HUWE1: variants seen among roughly 807,000 people sequenced by gnomAD.
HUWE1 encodes the protein E3 ubiquitin-protein ligase HUWE1.
In HUWE1, 18 loss-of-function variants were observed where a neutral mutation model predicts 299.4. The ratio of observed to expected loss-of-function variants is 0.06; its 90% CI spans 0.04 to 0.09. The LOEUF is 0.09. Ranked by LOEUF, HUWE1 falls within the 10% of genes least tolerant of loss-of-function variation. The probability of loss-of-function intolerance (pLI) is 1.00; values close to 1 mark genes in which losing one functional copy is unlikely to be tolerated. For synonymous variants in HUWE1, 1,317 were observed against 1,286.1 expected, an observed-to-expected ratio of 1.02 and a Z score of -0.51; for missense variants, 1,832 against 3,462.3, an observed-to-expected ratio of 0.53 and a Z score of 11.82.
At chrX:53,553,431 C>T (rs782779539) in intron 61 of HUWE1, among the ~76,000 whole-genome samples, 18 of 107,389 alleles carry the variant, frequency 1.7e-4, no homozygotes, top group African/African-American at 5.1e-4. Flanking sequence ...TGTGAGCCAC[C>T]GCGCCCAGCC....
chrX:53,540,034 G>A (rs2061269577), intron 74 of HUWE1, among the ~76,000 whole-genome samples: 1 of 112,111 alleles, frequency 8.9e-6, no homozygotes, highest in Non-Finnish European at 1.9e-5. Context: ...TTCCTCAGTT[G>A]CGCTAGCCAC....
rs782616684 is a variant in HUWE1, at chrX:53,592,361, A to G, written c.3972+37T>C. 3.8e-6 allele frequency: 4 copies of G among 1,055,862 alleles called. No individual in the cohort carries two copies. The African/African-American group carries it at 5.5e-5, about 15-fold the overall frequency. The allele number at this position is 1,055,862 out of a possible 1,213,427, so 87.0% of individuals were successfully genotyped here. On this transcript the variant is annotated intron_variant, in intron 33 of 83. Transcript: ENST00000262854. ...GTAAGCATCACACTCCATTGGGTGC[A>G]AAGTCTGGACCCTGGAGTGTGAGGC... is the stretch of plus-strand genomic sequence containing the variant.
chrX:53,605,951 C>T lies in HUWE1; in HGVS notation c.2497-1117G>A, dbSNP rs142280656. 9.4e-3 allele frequency among the ~76,000 whole-genome samples: 1,053 copies of T among 111,596 alleles called. 6 individuals carry two copies. The highest frequency in any genetic ancestry group is 0.016 in the Non-Finnish European group (852 of 53,060). ...ACTTTTACCATATAAAAAATCTAATCAAAATGGATTAAAGACCTGAATATA... is the reference window on the plus strand; with the variant it reads ...ACTTTTACCATATAAAAAATCTAATTAAAATGGATTAAAGACCTGAATATA... On this transcript the variant is annotated intron_variant, in intron 25 of 83. Coordinates refer to ENST00000262854, the MANE Select transcript of HUWE1 (RefSeq NM_031407.7).
At chrX:53,599,965 T>C (rs914439255) in intron 29 of HUWE1, among the ~76,000 whole-genome samples, 153 bp downstream of exon 29, 4 of 112,132 alleles carry the variant, frequency 3.6e-5, no homozygotes, top group Non-Finnish European at 7.5e-5. Context: ...ACAAAGCCTG[T>C]CACATAGCAG....
intron 39 of HUWE1, among the ~76,000 whole-genome samples, chrX:53,585,837 C>G (rs201840459): frequency 9.0e-6 from 1 of 111,061 alleles, no homozygotes; most frequent in Non-Finnish European, 1.9e-5. Flanking sequence ...TAGGCACACA[C>G]CACTATGCCT....
In HUWE1 at chrX:53,620,254, TGTC is replaced by T. The variant is rs370731696; in HGVS notation, c.1673-2811_1673-2809del. 4.6e-4 allele frequency among the ~76,000 whole-genome samples: 48 copies of T among 104,186 alleles called. 3 individuals are homozygous for T. The highest frequency in any genetic ancestry group is 8.8e-4 in the South Asian group (2 of 2,282). 90.5% of individuals were successfully genotyped at this position (104,186 alleles called of 115,157 possible). A position where few individuals can be genotyped will look rare whatever the true frequency, so the allele number is the denominator to read the frequency against. On this transcript the variant is annotated intron_variant, in intron 19 of 83. Coordinates refer to ENST00000262854, the MANE Select transcript of HUWE1 (RefSeq NM_031407.7). Reference sequence around the variant, plus strand: ...AAGGCATCACCTTGGAGCTTCCATTTGTCTTTTTTTTTTTTTTTTGAGACAAGG... The same window carrying T: ...AAGGCATCACCTTGGAGCTTCCATTTTTTTTTTTTTTTTTTTGAGACAAGG...
At chrX:53,565,352 G>A (rs2062473245) in intron 49 of HUWE1, 113 bp from the exon 50 acceptor site, 3 of 715,332 alleles carry the variant, frequency 4.2e-6, no homozygotes, top group Non-Finnish European at 6.2e-6. Context: ...AGGGGCATAA[G>A]GTCGTACAAC....
At chrX:53,578,464 C>T (rs1401834901) in intron 43 of HUWE1, among the ~76,000 whole-genome samples, 8 of 97,452 alleles carry the variant, frequency 8.2e-5, no homozygotes, top group Non-Finnish European at 1.7e-4. Context: ...CGGCCAGTCG[C>T]CCCGTCCAGG....
Position 53,595,332 on chromosome X carries a change from C to G in HUWE1, c.3235G>C (p.Val1079Leu), listed in dbSNP as rs2064400536. ...GCATGATGGCTCCTTCTCTGGCGGA[C>G]AGGAGATCCCACACAAAGTTTAACA... is the stretch of plus-strand genomic sequence containing the variant. ...LLVKLCVGSP[V>L]RQRRSHHAAS... The change falls in exon 30 of 84, where the codon GTC (valine) becomes CTC (leucine). Residue 1079 changes from valine (V) to leucine (L), a missense_variant. Coordinates refer to ENST00000262854, the MANE Select transcript of HUWE1 (RefSeq NM_031407.7). The G allele has an allele frequency of 1.7e-6, 2 of 1,208,774 alleles. No homozygotes were observed. The highest frequency in any genetic ancestry group is 2.2e-5 in the Admixed American group (1 of 45,600).
At chrX:53,648,461 T>C (rs1557037635) in intron 4 of HUWE1, 151 bp from the exon 5 acceptor site, 2 of 448,520 alleles carry the variant, frequency 4.5e-6, no homozygotes, top group Non-Finnish European at 4.0e-6. Context: ...GACAATCTCT[T>C]GGGATTAAAA....
chrX:53,563,654 G>A, intron 52 of HUWE1, 92 bp downstream of exon 52: 1 of 995,960 alleles, frequency 1.0e-6, no homozygotes, highest in Non-Finnish European at 1.4e-6. Context: ...GAGCCCTTAG[G>A]CAGAGCTGAG....
intron 52 of HUWE1, 29 bp downstream of exon 52, chrX:53,563,717 G>C (rs1302617261): frequency 5.0e-6 from 6 of 1,201,513 alleles, no homozygotes; most frequent in Non-Finnish European, 6.8e-6. Flanking sequence ...GGCAAAGGAA[G>C]AGGCTATACT....
rs1556994954 is a variant in HUWE1, at chrX:53,604,626, T to C, written c.2705A>G (p.Tyr902Cys). Residue 902 changes from tyrosine (Y) to cysteine (C), a missense_variant, in exon 26 of 84, where the codon TAC becomes TGC. Transcript: ENST00000262854. ...GCAAGTATGAACAAACATCATGATG[T>C]AGGCATGGGCAGCAGTGAGTGCATG... ...LLHALTAAHA[Y>C]IMMFVHTCRV... 2 of 1,210,620 alleles carry C rather than the reference T, an allele frequency of 1.7e-6. No individual in the cohort carries two copies. Among genetic ancestry groups the C allele is most frequent in the South Asian group, 1.8e-5 (1 of 56,978 alleles).
At chrX:53,651,712 T>C (rs1569510929) in intron 4 of HUWE1, among the ~76,000 whole-genome samples, 1 of 111,733 alleles carries the variant, frequency 8.9e-6, no homozygotes, top group Non-Finnish European at 1.9e-5. Flanking sequence ...CTGTTAACTA[T>C]AGGCACTATG....
chrX:53,591,465 A>G (rs1296984712), intron 33 of HUWE1, among the ~76,000 whole-genome samples: 2 of 111,786 alleles, frequency 1.8e-5, no homozygotes, highest in Non-Finnish European at 3.8e-5. Flanking sequence ...CTGGAAAACA[A>G]ACTGGTAACA....
intron 43 of HUWE1, among the ~76,000 whole-genome samples, chrX:53,579,509 G>A (rs1341673471): frequency 9.0e-6 from 1 of 111,224 alleles, no homozygotes; most frequent in African/African-American, 3.3e-5. Flanking sequence ...ATAGAAAGGC[G>A]GGAAGGGTGG....
At chrX:53,538,530 ACTCT>A (rs2061168767) in intron 76 of HUWE1, 76 bp from the exon 77 acceptor site, 1 of 707,606 alleles carries the variant, frequency 1.4e-6, no homozygotes, top group African/African-American at 2.1e-5. Flanking sequence ...CCAGCTAGCA[ACTCT>A]CTCTTCCTTC....
intron 78 of HUWE1, chrX:53,537,354 G>A: frequency 4.3e-6 from 2 of 466,673 alleles, no homozygotes; most frequent in South Asian, 6.0e-5. Flanking sequence ...TTGTTGGGTA[G>A]CTTAGCTAAA....
intron 3 of HUWE1, among the ~76,000 whole-genome samples, chrX:53,677,077 A>AC (rs782030979): frequency 3.8e-4 from 30 of 79,238 alleles, no homozygotes; most frequent in Middle Eastern, 5.7e-3. Context: ...GTGAATGAAC[A>AC]CCCCCCCACC....
Sources: gnomAD v4.1 joint callset for allele counts (sites outside exome capture counted in the v4.1 genomes callset) on GRCh38, gnomAD v4.1.1 for gene constraint, MANE v1.5 for transcripts, NCBI Gene and HGNC (gene_info 2026-07-23, HGNC 2026-07-21) for gene names.